Variants in LZTFL1 observed in about 807,000 individuals in gnomAD.
LZTFL1 encodes the protein leucine zipper transcription factor like 1.
LZTFL1 carries 25 observed loss-of-function variants against 45.9 expected under a neutral mutation model. The ratio of observed to expected loss-of-function variants is 0.54; its 90% CI spans 0.40 to 0.76. The LOEUF (loss-of-function observed/expected upper bound fraction) is 0.76, where lower values mean the gene tolerates loss of function less well. LZTFL1 is among the 30% of genes least tolerant of loss of function. The pLI is 0.00. For synonymous variants in LZTFL1, 93 were observed against 117.4 expected (o/e 0.79, Z 1.35); for missense variants, 277 against 331.1 (o/e 0.84, Z 1.27).
chr3:45,842,229 T>G, upstream of LZTFL1: 83 of 1,256,984 alleles, frequency 6.6e-5, no homozygotes, highest in Non-Finnish European at 7.8e-5. Context: ...ACATGCGCAT[T>G]GGCTTCCAGG....
intron 4 of LZTFL1, among the ~76,000 whole-genome samples, chr3:45,834,001 T>A (rs1277422191): frequency 6.6e-6 from 1 of 152,216 alleles, no homozygotes; most frequent in Non-Finnish European, 1.5e-5. Flanking sequence ...GGATTGAGAC[T>A]GAACTTAGGG....
At chr3:45,908,833 G>A (rs780927169) in intron 2 of LZTFL1, among the ~76,000 whole-genome samples, 1 of 151,984 alleles carries the variant, frequency 6.6e-6, no homozygotes, top group Non-Finnish European at 1.5e-5. Flanking sequence ...ATTAATGCAG[G>A]GGTCCCCAAC....
chr3:45,830,089 A>G (rs977441683), intron 7 of LZTFL1, among the ~76,000 whole-genome samples: 3 of 152,358 alleles, frequency 2.0e-5, no homozygotes, highest in African/African-American at 7.2e-5. Context: ...ATGGGGGTTC[A>G]TTATACTATT....
intron 2 of LZTFL1, among the ~76,000 whole-genome samples, chr3:45,836,073 G>A (rs920754071): frequency 7.9e-5 from 12 of 152,016 alleles, no homozygotes; most frequent in African/African-American, 2.4e-4. Context: ...AGTATTAAAT[G>A]TCTTATTTCA....
intron 4 of LZTFL1, among the ~76,000 whole-genome samples, chr3:45,848,277 T>C (rs1474042970): frequency 6.6e-6 from 1 of 152,212 alleles, no homozygotes; most frequent in Non-Finnish European, 1.5e-5. Flanking sequence ...CCTTTTCTTC[T>C]TTTTTACAAT....
At chr3:45,903,366 T>C (rs1702615603) in intron 2 of LZTFL1, 1 of 152,542 alleles carries the variant, frequency 6.6e-6, no homozygotes, top group Non-Finnish European at 1.5e-5. Flanking sequence ...AAAACCATCA[T>C]GGCTGACAAC....
At chr3:45,882,920 A>G (rs1423578488) in intron 2 of LZTFL1, among the ~76,000 whole-genome samples, 1 of 152,002 alleles carries the variant, frequency 6.6e-6, no homozygotes, top group Admixed American at 6.5e-5. Flanking sequence ...TATTACTTAT[A>G]GTTCTATATT....
chr3:45,907,987 G>A (rs1275492337), intron 2 of LZTFL1, among the ~76,000 whole-genome samples: 1 of 152,234 alleles, frequency 6.6e-6, no homozygotes, highest in Non-Finnish European at 1.5e-5. Flanking sequence ...AAGAAAGACA[G>A]GGACTGAACT....
intron 2 of LZTFL1, among the ~76,000 whole-genome samples, chr3:45,895,650 G>T (rs376034593): frequency 6.6e-6 from 1 of 151,938 alleles, no homozygotes. Flanking sequence ...GGAGGTGGAG[G>T]TTGCAGTGAG....
rs1327721424 is a variant in LZTFL1 at position 45,883,842 on chromosome 3, T to C, written c.-214-24826A>G. 9.2e-6 allele frequency: 5 copies of C among 542,508 alleles called. No homozygotes were observed. In the Admixed American group the frequency reaches 1.2e-4, roughly 13 times the overall value. The allele number at this position is 542,508 out of a possible 1,614,324, so 33.6% of individuals were successfully genotyped here. ...AGAGTTGCAGCCACGGAGTAGGCCA[T>C]CACAGAGCAAGGATTCAGTTAAGCA... On this transcript the variant is annotated intron_variant, in intron 2 of 4. Coordinates refer to the LZTFL1 transcript ENST00000472635.
At chr3:45,844,984 TAAC>T (rs772618109), upstream of LZTFL1, among the ~76,000 whole-genome samples, 10 of 152,168 alleles carry the variant, frequency 6.6e-5, no homozygotes, top group Admixed American at 1.3e-4. Flanking sequence ...CTCAATGCAT[TAAC>T]AACACCCCAA....
upstream of LZTFL1, among the ~76,000 whole-genome samples, chr3:45,844,390 A>G (rs1015087485): frequency 2.6e-5 from 4 of 152,096 alleles, no homozygotes; most frequent in East Asian, 7.7e-4. Flanking sequence ...TTTTGGGGGG[A>G]TGCAGGGGGA....
At position 45,833,114 on chromosome 3, in the gene LZTFL1, A is replaced by G; in HGVS notation, c.392T>C (p.Leu131Ser). 6.2e-7 allele frequency: 1 copy of G among 1,612,486 alleles called. No individual in the cohort carries two copies. The highest frequency in any genetic ancestry group is 1.1e-5 in the South Asian group (1 of 91,050). ...EITSSNKKPI[L>S]DVTKPKLAPL... ...AGCAAGTTTTGGCTTTGTGACATCT[A>G]AGATGGGCTGAAACAAAATAAAGAA... Residue 131 changes from leucine (L) to serine (S), a missense_variant, in exon 5 of 10, where the codon TTA becomes TCA. Coordinates refer to ENST00000296135, the MANE Select transcript of LZTFL1 (RefSeq NM_020347.4).
At chr3:45,890,279 T>TATAA (rs1553616516) in intron 2 of LZTFL1, among the ~76,000 whole-genome samples, 3 of 75,786 alleles carry the variant, frequency 4.0e-5, no homozygotes, top group African/African-American at 6.0e-5. Flanking sequence ...AACATATATA[T>TATAA]ATATTTATAT....
rs1185334241 is a variant in LZTFL1 at position 45,867,903 on chromosome 3, A to T, written c.-214-8887T>A. Among the ~76,000 whole-genome samples the T allele has an allele frequency of 3.9e-5, 6 of 152,208 alleles. No homozygotes were observed. In the East Asian group the frequency reaches 7.8e-4, roughly 20 times the overall value. The stretch of plus-strand genomic sequence containing the variant: ...TTAGCCAAAGATAAATGTCAGCCCC[A>T]TTGGAATGGGTTCCATGTTCTGTCT... On this transcript the variant is annotated intron_variant, in intron 2 of 4. Transcript: ENST00000472635.
At chr3:45,867,028 A>C (rs1428647670) in intron 2 of LZTFL1, among the ~76,000 whole-genome samples, 2 of 151,616 alleles carry the variant, frequency 1.3e-5, no homozygotes, top group Non-Finnish European at 1.5e-5. Context: ...CATGCCTGTA[A>C]TCCCAGCTAC....
intron 1 of LZTFL1, among the ~76,000 whole-genome samples, chr3:45,840,345 T>A (rs1701075638): frequency 6.6e-6 from 1 of 152,234 alleles, no homozygotes; most frequent in South Asian, 2.1e-4. Flanking sequence ...ACTATATGTA[T>A]CTATGTCAAA....
rs1701277378 is a variant in LZTFL1, at chr3:45,849,656, C to T, written c.-49+5330G>A. ...CCACCCGGTCAGCCTGCAAAACTAA[C>T]CCAAGTACAGGGATAGCAGAAACGT... is the stretch of plus-strand genomic sequence containing the variant. On this transcript the variant is annotated intron_variant, in intron 4 of 4. Coordinates refer to the LZTFL1 transcript ENST00000472635. Among the ~76,000 whole-genome samples, 2 of 152,132 alleles carry T rather than the reference C, an allele frequency of 1.3e-5. 1 individual carries two copies. Among genetic ancestry groups the T allele is most frequent in the South Asian group, 4.1e-4 (2 of 4,832 alleles).
At chr3:45,912,756 G>T (rs1702821233) in intron 2 of LZTFL1, among the ~76,000 whole-genome samples, 1 of 152,144 alleles carries the variant, frequency 6.6e-6, no homozygotes, top group African/African-American at 2.4e-5. Flanking sequence ...GCTGACCACG[G>T]GCAGACAAGG....
Sources: gnomAD v4.1 joint callset for allele counts (sites outside exome capture counted in the v4.1 genomes callset) on GRCh38, gnomAD v4.1.1 for gene constraint, MANE v1.5 for transcripts, NCBI Gene and HGNC (gene_info 2026-07-23, HGNC 2026-07-21) for gene names.